Variants in ABCB4 observed in about 807,000 individuals in gnomAD.
The protein encoded by ABCB4 is phosphatidylcholine translocator ABCB4.
ABCB4 carries 76 observed loss-of-function variants against 145.7 expected under a neutral mutation model. The observed-to-expected ratio is 0.52, with a 90% CI of 0.43 to 0.63. The LOEUF (loss-of-function observed/expected upper bound fraction) is 0.63, where lower values mean the gene tolerates loss of function less well. Among genes scored for constraint, ABCB4 ranks in the 30% least tolerant of loss-of-function variants. ABCB4 has a pLI of 0.00. For synonymous variants in ABCB4, 517 were observed against 566.8 expected (o/e 0.91, Z 1.25); for missense variants, 1,234 against 1,553.1 (o/e 0.79, Z 3.45).
downstream of ABCB4, chr7:87,398,581 A>G (rs1289599039): frequency 6.2e-7 from 1 of 1,613,722 alleles, no homozygotes; most frequent in Non-Finnish European, 8.5e-7. Context: ...CGGAAAAGCT[A>G]GTTCAGCTGA....
chr7:87,433,680 T>TG (rs1810403241), intron 14 of ABCB4, among the ~76,000 whole-genome samples: 1 of 149,800 alleles, frequency 6.7e-6, no homozygotes, highest in African/African-American at 2.5e-5. Flanking sequence ...TTGTTGTTTT[T>TG]TTTTTTTTTT....
At chr7:87,391,206 C>T in the ABCB4 span, among the ~76,000 whole-genome samples, 1 of 152,242 alleles carries the variant, frequency 6.6e-6, no homozygotes, top group East Asian at 1.9e-4. Flanking sequence ...AGAGAGCTCT[C>T]TTTGTAACCT....
chr7:87,418,465 G>A (rs568964226), intron 20 of ABCB4, 72 bp downstream of exon 20: 1 of 1,337,594 alleles, frequency 7.5e-7, no homozygotes, highest in African/African-American at 1.4e-5. Flanking sequence ...ATCTTAACAA[G>A]TGTGGGTATG....
At chr7:87,467,699 C>T (rs562240716) in intron 3 of ABCB4, among the ~76,000 whole-genome samples, 7 of 152,358 alleles carry the variant, frequency 4.6e-5, no homozygotes, top group Non-Finnish European at 7.3e-5. Flanking sequence ...AACTGTGTCT[C>T]AGACCACAGT....
At chr7:87,467,114 A>G (rs894060161) in intron 3 of ABCB4, among the ~76,000 whole-genome samples, 1 of 152,130 alleles carries the variant, frequency 6.6e-6, no homozygotes, top group African/African-American at 2.4e-5. Context: ...CAAACTGGAT[A>G]AAGAGTCAAG....
At chr7:87,387,081 T>A in the ABCB4 span, among the ~76,000 whole-genome samples, 19 of 151,772 alleles carry the variant, frequency 1.3e-4, no homozygotes, top group Admixed American at 6.6e-4. Context: ...TCTCTTACCT[T>A]CTGCTTGAAG....
Position 87,447,064 on chromosome 7 carries a change from T to C in ABCB4, c.975A>G (p.Ser325=). Residue 325 remains serine (S), a synonymous_variant, in exon 9 of 28, where the codon TCA becomes TCG. Transcript: ENST00000649586. ...AFWYGSTLVI[S]KEYTIGNAMT... ...TTGCATTTCCAATAGTATATTCTTT[T>C]GATATGACTAGAGTGGATCCATACC... The C allele has an allele frequency of 1.2e-6, 2 of 1,613,740 alleles. No individual in the cohort carries two copies. Among genetic ancestry groups the C allele is most frequent in the Non-Finnish European group, 1.7e-6 (2 of 1,179,662 alleles).
At chr7:87,420,901 C>T (rs571044665) in intron 18 of ABCB4, among the ~76,000 whole-genome samples, 2 of 152,274 alleles carry the variant, frequency 1.3e-5, no homozygotes, top group South Asian at 4.1e-4. Flanking sequence ...CCTACTACTT[C>T]CAATAAACCA....
intron 4 of ABCB4, among the ~76,000 whole-genome samples, chr7:87,457,146 C>T (rs779483686): frequency 2.6e-5 from 4 of 152,112 alleles, no homozygotes; most frequent in African/African-American, 9.7e-5. Context: ...CCGCCAGGCC[C>T]GGTGGCTCAC....
intron 5 of ABCB4, 58 bp downstream of exon 5, chr7:87,454,477 T>C: frequency 7.7e-7 from 1 of 1,306,292 alleles, no homozygotes; most frequent in Non-Finnish European, 1.1e-6. Context: ...TATAACTCTG[T>C]AATTGGAAAT....
At chr7:87,380,884 A>G in the ABCB4 span, among the ~76,000 whole-genome samples, 1 of 152,208 alleles carries the variant, frequency 6.6e-6, no homozygotes, top group South Asian at 2.1e-4. Flanking sequence ...CTGTTAGAAA[A>G]TGGGTTTGTC....
intron 4 of ABCB4, among the ~76,000 whole-genome samples, chr7:87,458,560 T>C (rs568181617): frequency 1.3e-5 from 2 of 152,332 alleles, no homozygotes; most frequent in South Asian, 4.1e-4. Flanking sequence ...ACTCTATCTG[T>C]TCCCAACCCC....
chr7:87,375,982 T>A, the ABCB4 span: 8 of 1,534,246 alleles, frequency 5.2e-6, no homozygotes, highest in Admixed American at 2.3e-5. Context: ...TTTTTTTTTT[T>A]ATTGCAGATT....
chr7:87,397,773 T>G (rs2116251838), downstream of ABCB4, among the ~76,000 whole-genome samples: 2 of 152,376 alleles, frequency 1.3e-5, no homozygotes, highest in Middle Eastern at 6.8e-3. Context: ...TTTGTTTAAC[T>G]TAAAGCACAT....
chr7:87,421,817 T>C (rs1809457671), intron 18 of ABCB4, among the ~76,000 whole-genome samples: 1 of 152,256 alleles, frequency 6.6e-6, no homozygotes, highest in East Asian at 1.9e-4. Flanking sequence ...GAGAATGCTA[T>C]TGGACTGTAC....
At chr7:87,400,395 T>C (rs887059749), downstream of ABCB4, among the ~76,000 whole-genome samples, 2 of 152,206 alleles carry the variant, frequency 1.3e-5, no homozygotes, top group Non-Finnish European at 2.9e-5. Flanking sequence ...CTGAATTTGA[T>C]AAGACTGGTT....
At chr7:87,416,631 A>G (rs1369331202) in intron 21 of ABCB4, among the ~76,000 whole-genome samples, 3 of 152,218 alleles carry the variant, frequency 2.0e-5, no homozygotes, top group African/African-American at 4.8e-5. Flanking sequence ...ACCATATAGT[A>G]GAGGTAAGAG....
rs1464602325 is a variant in ABCB4, at chr7:87,439,658, T to C, written c.1731+9A>G. The C allele has an allele frequency of 2.5e-6, 4 of 1,614,054 alleles. No homozygotes were observed. The highest frequency in any genetic ancestry group is 3.4e-6 in the Non-Finnish European group (4 of 1,179,978). ...GTGGTGGTCCTTCAGCTTTTTAGAG[T>C]CTACTGACCTTATCCAGAGCTGCCT... is the stretch of plus-strand genomic sequence containing the variant. On this transcript the variant is annotated intron_variant, in intron 14 of 27. Transcript: ENST00000649586.
intron 4 of ABCB4, among the ~76,000 whole-genome samples, chr7:87,457,259 A>AGTTG (rs1382321862): frequency 6.6e-6 from 1 of 152,144 alleles, no homozygotes; most frequent in African/African-American, 2.4e-5. Flanking sequence ...CTTTACAAAA[A>AGTTG]GTTGGCCGGG....
Sources: gnomAD v4.1 joint callset for allele counts (sites outside exome capture counted in the v4.1 genomes callset) on GRCh38, gnomAD v4.1.1 for gene constraint, MANE v1.5 for transcripts, NCBI Gene and HGNC (gene_info 2026-07-23, HGNC 2026-07-21) for gene names.